The following KALRN variants were observed in gnomAD, a reference collection of about 807,000 sequenced individuals.
KALRN encodes kalirin.
Under a neutral mutation model 353.7 loss-of-function variants are expected in KALRN, and 70 were observed. That is an observed-to-expected ratio of 0.20 (90% CI 0.16 to 0.24). KALRN has a LOEUF of 0.24. Ranked by LOEUF, KALRN falls within the 10% of genes least tolerant of loss-of-function variation. The pLI, the probability that KALRN is intolerant of heterozygous loss-of-function variation, is 1.00. For missense variants in KALRN, 2,791 were observed against 3,756.7 expected (o/e 0.74, Z 6.72); for synonymous variants, 1,391 against 1,434.8 (o/e 0.97, Z 0.69).
chr3:124,394,284 G>A (rs2089878031), intron 11 of KALRN, among the ~76,000 whole-genome samples: 1 of 152,168 alleles, frequency 6.6e-6, no homozygotes, highest in South Asian at 2.1e-4. Flanking sequence ...AACACTCCTG[G>A]TTTCAAAGCA....
At chr3:124,357,228 T>TG (rs2083518200) in intron 10 of KALRN, among the ~76,000 whole-genome samples, 1 of 152,236 alleles carries the variant, frequency 6.6e-6, no homozygotes, top group Admixed American at 6.5e-5. Flanking sequence ...CCATTGCCAC[T>TG]GCCTTAGATC....
intron 34 of KALRN, among the ~76,000 whole-genome samples, chr3:124,597,303 C>T (rs562829211): frequency 7.0e-4 from 107 of 152,004 alleles, no homozygotes; most frequent in African/African-American, 2.5e-3. Flanking sequence ...AAGTTGGGAG[C>T]TATTCCATAA....
intron 34 of KALRN, among the ~76,000 whole-genome samples, chr3:124,598,930 C>A (rs190334141): frequency 6.6e-6 from 1 of 152,330 alleles, no homozygotes; most frequent in African/African-American, 2.4e-5. Flanking sequence ...CCCACCTCAA[C>A]CTCCCACAGT....
Position 124,334,372 on chromosome 3 carries a change from G to C in KALRN, c.1524G>C (p.Gln508His). Residue 508 changes from glutamine to histidine, a missense_variant, in exon 9 of 60, where the codon CAG (glutamine) becomes CAC (histidine). Physicochemically the swap from Gln to His is conservative, Grantham distance 24. Transcript: ENST00000682506. The surrounding 1 kb of genome is among the most constrained non-coding windows in gnomAD (Gnocchi z 4.2). Reference sequence around the variant, plus strand: ...CCAACTACTCCAAGGCAGTGCACCAGGTGCTGGACGTGGTGCATGAGGTGT... The same window carrying C: ...CCAACTACTCCAAGGCAGTGCACCACGTGCTGGACGTGGTGCATGAGGTGT... ...ATANYSKAVHQVLDVVHEVLH... is the reference protein window; with the variant it reads ...ATANYSKAVHHVLDVVHEVLH... 6.2e-7 allele frequency: 1 copy of C among 1,614,098 alleles called. No homozygotes were observed. The highest frequency in any genetic ancestry group is 1.1e-5 in the South Asian group (1 of 91,086).
intron 51 of KALRN, among the ~76,000 whole-genome samples, chr3:124,686,547 G>A (rs1000072863): frequency 6.6e-6 from 1 of 152,116 alleles, no homozygotes; most frequent in Non-Finnish European, 1.5e-5. Context: ...GCCCTGAGGT[G>A]GGAGGTGCCT....
chr3:124,041,019 A>G (rs1408244694), intron 1 of KALRN, among the ~76,000 whole-genome samples: 2 of 152,302 alleles, frequency 1.3e-5, no homozygotes, highest in East Asian at 1.9e-4. Context: ...TTTGAAAAAT[A>G]TTTATCAAGT....
At chr3:124,708,277 C>T (rs886291237) in intron 57 of KALRN, among the ~76,000 whole-genome samples, 2 of 152,144 alleles carry the variant, frequency 1.3e-5, no homozygotes, top group Admixed American at 6.5e-5. Context: ...AAAAAATTCT[C>T]GGGAAGAAAA....
chr3:124,372,825 C>T (rs2086032137), intron 10 of KALRN, among the ~76,000 whole-genome samples: 1 of 152,114 alleles, frequency 6.6e-6, no homozygotes, highest in African/African-American at 2.4e-5. Context: ...GTCCTAAGTT[C>T]TGAGCAATTT....
intron 1 of KALRN, among the ~76,000 whole-genome samples, chr3:124,116,341 A>AT (rs570213830): frequency 1.5e-3 from 226 of 152,174 alleles, no homozygotes; most frequent in Non-Finnish European, 2.6e-3. Flanking sequence ...TCACTAAGTA[A>AT]TTTTTTTTAT....
At chr3:124,120,228 C>G (rs1175848315) in intron 1 of KALRN, among the ~76,000 whole-genome samples, 1 of 152,156 alleles carries the variant, frequency 6.6e-6, no homozygotes, top group Non-Finnish European at 1.5e-5. Context: ...GGCTCTGACT[C>G]CTGAGTTCAT....
At chr3:124,046,914 A>G (rs1199030028) in intron 1 of KALRN, among the ~76,000 whole-genome samples, 1 of 152,010 alleles carries the variant, frequency 6.6e-6, no homozygotes, top group Non-Finnish European at 1.5e-5. Flanking sequence ...TTTTTTTCAA[A>G]AAAGCTACTT....
At chr3:124,455,853 C>A (rs1033856382) in intron 22 of KALRN, among the ~76,000 whole-genome samples, 1 of 152,178 alleles carries the variant, frequency 6.6e-6, no homozygotes, top group Admixed American at 6.5e-5. Flanking sequence ...GACTTTTAAT[C>A]TCTTCTTTAT....
At chr3:124,667,418 G>A (rs1185240649) in intron 47 of KALRN, among the ~76,000 whole-genome samples, 1 of 152,164 alleles carries the variant, frequency 6.6e-6, no homozygotes, top group African/African-American at 2.4e-5. Context: ...TCACTTATAG[G>A]ACACAGGATA....
intron 10 of KALRN, among the ~76,000 whole-genome samples, chr3:124,382,558 G>A (rs1028314116): frequency 1.3e-5 from 2 of 152,176 alleles, no homozygotes; most frequent in Non-Finnish European, 2.9e-5. Flanking sequence ...GGGACAAATT[G>A]ATCACCTTAC....
chr3:124,293,394 A>G (rs2076581513), intron 5 of KALRN, among the ~76,000 whole-genome samples: 1 of 152,240 alleles, frequency 6.6e-6, no homozygotes, highest in Non-Finnish European at 1.5e-5. Flanking sequence ...TAAGATTCTT[A>G]ATATACTTGT....
chr3:124,156,203 C>G (rs547505568), intron 1 of KALRN, among the ~76,000 whole-genome samples: 80 of 152,302 alleles, frequency 5.3e-4, no homozygotes, highest in Non-Finnish European at 1.0e-3. Context: ...TTCCCTCCAC[C>G]TCTGCTTCTC....
At chr3:124,556,103 CT>C (rs1423473025) in intron 33 of KALRN, among the ~76,000 whole-genome samples, 1 of 152,132 alleles carries the variant, frequency 6.6e-6, no homozygotes, top group Non-Finnish European at 1.5e-5. Flanking sequence ...GCACCAAGGC[CT>C]CCTGATTCCC....
chr3:124,405,078 G>T (rs2091362672), intron 13 of KALRN, among the ~76,000 whole-genome samples: 1 of 152,154 alleles, frequency 6.6e-6, no homozygotes, highest in Non-Finnish European at 1.5e-5. Context: ...CATGTAGAAT[G>T]AATACAATGA....
chr3:124,037,132 A>C (rs2039500097), intron 1 of KALRN, among the ~76,000 whole-genome samples: 1 of 152,244 alleles, frequency 6.6e-6, no homozygotes, highest in African/African-American at 2.4e-5. Flanking sequence ...ACAACTTTTC[A>C]ATTATCCCTA....
Sources: allele counts gnomAD v4.1 joint callset (sites outside exome capture counted in the v4.1 genomes callset), GRCh38; gene constraint gnomAD v4.1.1; non-coding constraint Gnocchi (gnomAD v3.1); transcripts MANE v1.5; gene names NCBI Gene and HGNC (gene_info 2026-07-23, HGNC 2026-07-21).